Variants in PTPRK observed in about 807,000 individuals in gnomAD.
PTPRK encodes receptor-type tyrosine-protein phosphatase kappa.
PTPRK carries 75 observed loss-of-function variants against 178.0 expected under a neutral mutation model. The observed-to-expected ratio is 0.42, with a 90% confidence interval of 0.35 to 0.51. The LOEUF is 0.51. PTPRK is among the 20% of genes least tolerant of loss of function. The pLI, the probability that PTPRK is intolerant of heterozygous loss-of-function variation, is 0.02. For synonymous variants in PTPRK, 637 were observed against 620.6 expected, an observed-to-expected ratio of 1.03 and a Z score of -0.39; for missense variants, 1,441 against 1,797.8, an observed-to-expected ratio of 0.80 and a Z score of 3.59.
intron 13 of PTPRK, among the ~76,000 whole-genome samples, chr6:128,030,601 A>G (rs150250053): frequency 2.4e-4 from 37 of 152,324 alleles, no homozygotes; most frequent in African/African-American, 8.2e-4. Flanking sequence ...TTTTAATCTT[A>G]TCAAAGCCTT....
chr6:128,243,773 T>C (rs1814946765), intron 3 of PTPRK, among the ~76,000 whole-genome samples: 1 of 152,214 alleles, frequency 6.6e-6, no homozygotes, highest in Non-Finnish European at 1.5e-5. Flanking sequence ...CAATGTTGTA[T>C]TTGATTCCTT....
At chr6:128,298,479 T>C (rs1286877634) in intron 3 of PTPRK, among the ~76,000 whole-genome samples, 1 of 151,628 alleles carries the variant, frequency 6.6e-6, no homozygotes, top group African/African-American at 2.4e-5. Flanking sequence ...AATAAAATAC[T>C]GGCAAACCGA....
At chr6:128,451,969 C>A (rs1562550207) in intron 1 of PTPRK, among the ~76,000 whole-genome samples, 1 of 152,058 alleles carries the variant, frequency 6.6e-6, no homozygotes, top group African/African-American at 2.4e-5. Context: ...GAAAACCTAC[C>A]AAATGCCAAG....
intron 6 of PTPRK, among the ~76,000 whole-genome samples, chr6:128,204,813 T>C (rs569853060): frequency 1.3e-3 from 203 of 152,242 alleles, no homozygotes; most frequent in African/African-American, 4.4e-3. Flanking sequence ...TTATAAACTG[T>C]TGGAATGTAA....
At chr6:128,383,809 T>C (rs1838294996) in intron 2 of PTPRK, among the ~76,000 whole-genome samples, 1 of 152,184 alleles carries the variant, frequency 6.6e-6, no homozygotes, top group Admixed American at 6.5e-5. Context: ...TTTAACATTG[T>C]TTTAACTATC....
At chr6:128,461,426 C>T (rs1849035812) in intron 1 of PTPRK, among the ~76,000 whole-genome samples, 1 of 152,094 alleles carries the variant, frequency 6.6e-6, no homozygotes, top group Non-Finnish European at 1.5e-5. Flanking sequence ...TTTGCACACA[C>T]ACCAATTTTA....
rs142858396 is a variant in PTPRK, at chr6:128,276,675, A to G, written c.496-34073T>C. Among the ~76,000 whole-genome samples the G allele has an allele frequency of 3.1e-3, 478 of 152,276 alleles. 2 individuals are homozygous for G. The highest frequency in any genetic ancestry group is 0.011 in the African/African-American group (453 of 41,570). On this transcript the variant is annotated intron_variant, in intron 3 of 29. Coordinates refer to ENST00000368226, the MANE Select transcript of PTPRK (RefSeq NM_002844.4). ...AGGTAAACTGATTCTTCCTTGTGCCAGTCTCTGTAGATCTGGCTTGATTTG... is the reference window on the plus strand; with the variant it reads ...AGGTAAACTGATTCTTCCTTGTGCCGGTCTCTGTAGATCTGGCTTGATTTG...
intron 7 of PTPRK, among the ~76,000 whole-genome samples, chr6:128,098,025 A>G (rs149778366): frequency 5.7e-4 from 87 of 152,268 alleles, no homozygotes; most frequent in African/African-American, 2.0e-3. Flanking sequence ...CTTTATCCCT[A>G]AAAGAAGATA....
chr6:128,325,598 T>C (rs1430115941), intron 2 of PTPRK, among the ~76,000 whole-genome samples: 3 of 151,918 alleles, frequency 2.0e-5, no homozygotes, highest in Non-Finnish European at 4.4e-5. Context: ...ATTAGAGAAA[T>C]GCAAATCAAA....
chr6:128,456,589 C>A (rs1046178336), intron 1 of PTPRK, among the ~76,000 whole-genome samples: 2 of 151,954 alleles, frequency 1.3e-5, no homozygotes, highest in African/African-American at 4.8e-5. Flanking sequence ...GATAAGATAA[C>A]TATAATTACC....
chr6:128,452,540 CATA>C (rs1847922073), intron 1 of PTPRK, among the ~76,000 whole-genome samples: 1 of 152,126 alleles, frequency 6.6e-6, no homozygotes. Flanking sequence ...ATCCCACAAG[CATA>C]ATGAGGCAAA....
chr6:128,054,599 C>G (rs9482870), intron 13 of PTPRK, among the ~76,000 whole-genome samples: 13 of 152,114 alleles, frequency 8.5e-5, no homozygotes, highest in Non-Finnish European at 1.5e-4. Flanking sequence ...TAGTCTGAAT[C>G]CAAGGCTAAT....
chr6:128,383,261 A>C (rs533044835), intron 2 of PTPRK, among the ~76,000 whole-genome samples: 1 of 152,218 alleles, frequency 6.6e-6, no homozygotes, highest in Non-Finnish European at 1.5e-5. Context: ...AACATGAAAA[A>C]TATAATCTTC....
intron 1 of PTPRK, among the ~76,000 whole-genome samples, chr6:128,494,815 C>A (rs563596019): frequency 9.9e-5 from 15 of 152,156 alleles, no homozygotes; most frequent in Admixed American, 4.6e-4. Flanking sequence ...GTATACCTCC[C>A]TACATTTTAC....
intron 1 of PTPRK, among the ~76,000 whole-genome samples, chr6:128,494,715 AG>A (rs1854406606): frequency 6.6e-6 from 1 of 152,258 alleles, no homozygotes; most frequent in South Asian, 2.1e-4. Flanking sequence ...GCAATCCAAA[AG>A]CATTTTAAAA....
chr6:128,040,039 G>A (rs570307500), intron 13 of PTPRK, among the ~76,000 whole-genome samples: 42 of 152,246 alleles, frequency 2.8e-4, no homozygotes, highest in African/African-American at 9.9e-4. Flanking sequence ...TGTTATCATC[G>A]CTAAGAAGTA....
At chr6:127,976,873 A>G in intron 26 of PTPRK, 50 bp downstream of exon 26, 1 of 1,611,402 alleles carries the variant, frequency 6.2e-7, no homozygotes, top group Non-Finnish European at 8.5e-7. Context: ...ATTCATTACT[A>G]CTCTATTAAG....
At chr6:128,419,590 C>A (rs1220957311) in intron 1 of PTPRK, among the ~76,000 whole-genome samples, 1 of 145,826 alleles carries the variant, frequency 6.9e-6, no homozygotes, top group African/African-American at 2.6e-5. Flanking sequence ...CCAGCCTGGG[C>A]GACAGAGCGA....
In PTPRK at chr6:127,999,868, C is replaced by G. The variant is rs1432139846; in HGVS notation, c.2495-964G>C. On this transcript the variant is annotated intron_variant, in intron 15 of 29. Coordinates refer to ENST00000368226, the MANE Select transcript of PTPRK (RefSeq NM_002844.4). The stretch of plus-strand genomic sequence containing the variant: ...GAATGAATTAAAAAGTCAACTGAAT[C>G]CCTGACCACTCACAATTAAGCGTAA... 1.0e-5 allele frequency: 7 copies of G among 696,946 alleles called. No homozygotes were observed. The East Asian group carries it at 4.0e-4, about 40-fold the overall frequency. The allele number at this position is 696,946 out of a possible 1,614,324, so 43.2% of individuals were successfully genotyped here.
Sources: gnomAD v4.1 joint callset for allele counts (sites outside exome capture counted in the v4.1 genomes callset) on GRCh38, gnomAD v4.1.1 for gene constraint, MANE v1.5 for transcripts, NCBI Gene and HGNC (gene_info 2026-07-23, HGNC 2026-07-21) for gene names.